RNF220: variants seen among roughly 807,000 people sequenced by gnomAD.
RNF220 encodes ring finger protein 220.
In RNF220, 7 loss-of-function variants were observed where a neutral mutation model predicts 67.1. The observed-to-expected ratio is 0.10, with a 90% confidence interval of 0.06 to 0.20. The LOEUF is 0.20. RNF220 is among the 10% of genes least tolerant of loss of function. RNF220 has a pLI of 1.00. For synonymous variants in RNF220, 270 were observed against 283.2 expected, an observed-to-expected ratio of 0.95 and a Z score of 0.47; for missense variants, 565 against 740.3, an observed-to-expected ratio of 0.76 and a Z score of 2.75.
At chr1:44,607,987 G>A (rs1015405027) in intron 2 of RNF220, among the ~76,000 whole-genome samples, 5 of 147,794 alleles carry the variant, frequency 3.4e-5, no homozygotes, top group African/African-American at 5.0e-5. Context: ...GCAGTGGTGC[G>A]ATCATAGCTC....
intron 2 of RNF220, among the ~76,000 whole-genome samples, chr1:44,588,809 T>A (rs2148364293): frequency 6.6e-6 from 1 of 152,214 alleles, no homozygotes; most frequent in African/African-American, 2.4e-5. Flanking sequence ...CTACCTGGGG[T>A]TCAGGTCATG....
chr1:44,590,412 G>C (rs939216025), intron 2 of RNF220, among the ~76,000 whole-genome samples: 3 of 152,158 alleles, frequency 2.0e-5, no homozygotes, highest in African/African-American at 7.2e-5. Context: ...CATCCTTCAC[G>C]GGGCTTCCTC....
intron 2 of RNF220, among the ~76,000 whole-genome samples, chr1:44,502,134 GTCTCTCTC>G (rs5773837): frequency 1.8e-5 from 2 of 111,682 alleles, no homozygotes; most frequent in East Asian, 2.3e-4. Context: ...ATGATCCTTT[GTCTCTCTC>G]TCTCTCTCTC....
Position 44,468,268 on chromosome 1 carries a change from C to A in RNF220, c.625+55546C>A, listed in dbSNP as rs183963108. Among the ~76,000 whole-genome samples, 620 of 152,170 alleles carry A rather than the reference C, an allele frequency of 4.1e-3. 11 individuals carry two copies. In the South Asian group the frequency reaches 0.042, roughly 10 times the overall value. Reference sequence around the variant, plus strand: ...GGTGAAAGGTGTGGAAAGAGACATTCGCATATATTGCTAATGAGAGTGTAA... The same window carrying A: ...GGTGAAAGGTGTGGAAAGAGACATTAGCATATATTGCTAATGAGAGTGTAA... On this transcript the variant is annotated intron_variant, in intron 2 of 14. Transcript: ENST00000361799.
chr1:44,575,199 G>A (rs1664719771), intron 2 of RNF220, among the ~76,000 whole-genome samples: 1 of 152,050 alleles, frequency 6.6e-6, no homozygotes, highest in African/African-American at 2.4e-5. Context: ...CCAGCCTCTG[G>A]TAACTATCAC....
intron 2 of RNF220, among the ~76,000 whole-genome samples, chr1:44,598,430 G>A (rs941688808): frequency 1.5e-4 from 23 of 152,284 alleles, no homozygotes; most frequent in Admixed American, 1.3e-4. Flanking sequence ...AATTCTCCAC[G>A]ACACTAAACC....
chr1:44,453,580 T>C (rs1011425585), intron 2 of RNF220, among the ~76,000 whole-genome samples: 12 of 152,100 alleles, frequency 7.9e-5, no homozygotes, highest in African/African-American at 2.9e-4. Context: ...TTACCTCCTG[T>C]AAACTATTAA....
intron 2 of RNF220, among the ~76,000 whole-genome samples, chr1:44,530,950 G>A (rs1474918875): frequency 6.6e-6 from 1 of 152,118 alleles, no homozygotes; most frequent in Non-Finnish European, 1.5e-5. Context: ...GTGACAGGGT[G>A]AGACTCCGTC....
chr1:44,581,744 G>T lies in RNF220; in HGVS notation c.626-32421G>T, dbSNP rs189178555. ...TGGGCAGGATCCTGGGCCTTCCTCT[G>T]GGAACCTGACTGGAACCTGGGATCT... On this transcript the variant is annotated intron_variant, in intron 2 of 14. Transcript: ENST00000361799. Among the ~76,000 whole-genome samples the T allele has an allele frequency of 9.2e-5, 14 of 152,234 alleles. No homozygotes were observed. In the East Asian group the frequency reaches 2.3e-3, roughly 25 times the overall value.
At chr1:44,533,775 G>A (rs573994063) in intron 2 of RNF220, among the ~76,000 whole-genome samples, 1 of 152,344 alleles carries the variant, frequency 6.6e-6, no homozygotes, top group South Asian at 2.1e-4. Flanking sequence ...AAGTTAGGAG[G>A]AGTTGGCACT....
chr1:44,542,062 C>T (rs1661717659), intron 2 of RNF220, among the ~76,000 whole-genome samples: 1 of 152,134 alleles, frequency 6.6e-6, no homozygotes, highest in South Asian at 2.1e-4. Flanking sequence ...GATCCTGGAC[C>T]TCTGTTCCTG....
At chr1:44,443,801 A>G (rs549399046) in intron 2 of RNF220, among the ~76,000 whole-genome samples, 1 of 152,326 alleles carries the variant, frequency 6.6e-6, no homozygotes, top group East Asian at 1.9e-4. Context: ...CTCAAGAAAT[A>G]GAGCATTAGC....
chr1:44,473,748 G>C (rs988359965), intron 2 of RNF220, among the ~76,000 whole-genome samples: 1 of 152,124 alleles, frequency 6.6e-6, no homozygotes, highest in Non-Finnish European at 1.5e-5. Flanking sequence ...TAATATCGTA[G>C]CTATCTCATC....
chr1:44,591,385 C>A (rs1281158097), intron 2 of RNF220, among the ~76,000 whole-genome samples: 2 of 152,278 alleles, frequency 1.3e-5, no homozygotes, highest in East Asian at 3.8e-4. Flanking sequence ...AATGCCCTTG[C>A]AGGCCTTGCT....
intron 2 of RNF220, among the ~76,000 whole-genome samples, chr1:44,494,889 A>G (rs1347355063): frequency 6.6e-6 from 1 of 152,194 alleles, no homozygotes; most frequent in Admixed American, 6.5e-5. Flanking sequence ...AATTTCTAAG[A>G]TGCGTGCCTG....
chr1:44,455,058 T>C (rs1369643469), intron 2 of RNF220, among the ~76,000 whole-genome samples: 1 of 152,230 alleles, frequency 6.6e-6, no homozygotes, highest in Non-Finnish European at 1.5e-5. Context: ...TAAAGAACAA[T>C]GAGCAGAATT....
chr1:44,493,250 T>C (rs1657015566), intron 2 of RNF220, among the ~76,000 whole-genome samples: 1 of 152,254 alleles, frequency 6.6e-6, no homozygotes, highest in Non-Finnish European at 1.5e-5. Flanking sequence ...GAGCAGTGGC[T>C]TACGCCTGTA....
At chr1:44,452,715 C>T (rs895391396) in intron 2 of RNF220, among the ~76,000 whole-genome samples, 1 of 152,174 alleles carries the variant, frequency 6.6e-6, no homozygotes, top group Non-Finnish European at 1.5e-5. Context: ...AAGTGATCCA[C>T]CTGCCTTGGC....
intron 2 of RNF220, among the ~76,000 whole-genome samples, chr1:44,563,147 C>G (rs972765371): frequency 6.6e-6 from 1 of 152,346 alleles, no homozygotes; most frequent in African/African-American, 2.4e-5. Context: ...ATGGTAACAG[C>G]AGACCTGGGC....
Sources: allele counts gnomAD v4.1 joint callset (sites outside exome capture counted in the v4.1 genomes callset), GRCh38; gene constraint gnomAD v4.1.1; transcripts MANE v1.5; gene names NCBI Gene and HGNC (gene_info 2026-07-23, HGNC 2026-07-21).